The following POF1B variants were observed in gnomAD, a reference collection of about 807,000 sequenced individuals.
POF1B encodes POF1B actin binding protein.
In POF1B, 53 loss-of-function variants were observed where a neutral mutation model predicts 55.3. The ratio of observed to expected loss-of-function variants is 0.96; its 90% CI spans 0.77 to 1.20. POF1B has a LOEUF of 1.20. POF1B is among the 50% of genes most tolerant of loss of function. POF1B has a pLI of 0.00. For synonymous variants in POF1B, 188 were observed against 148.3 expected (o/e 1.27, Z -1.95); for missense variants, 478 against 420.5 (o/e 1.14, Z -1.20).
At chrX:85,375,919 A>G (rs892248183) in intron 2 of POF1B, among the ~76,000 whole-genome samples, 1 of 111,520 alleles carries the variant, frequency 9.0e-6, no homozygotes, top group Non-Finnish European at 1.9e-5. Flanking sequence ...CTCTCACAAA[A>G]GCATGTTTTA....
At chrX:85,296,944 T>A (rs1339615381) in intron 15 of POF1B, among the ~76,000 whole-genome samples, 3 of 111,036 alleles carry the variant, frequency 2.7e-5, no homozygotes, top group Admixed American at 1.9e-4. Flanking sequence ...ATTTTTTTTT[T>A]ATTTTTGTCT....
At chrX:85,356,789 T>G (rs1933510277) in intron 4 of POF1B, among the ~76,000 whole-genome samples, 2 of 111,247 alleles carry the variant, frequency 1.8e-5, no homozygotes, top group Non-Finnish European at 3.8e-5. Context: ...TTAATAGGTG[T>G]TTTCAAAGTG....
rs1931811641 is a variant in POF1B at position 85,277,673 on chromosome X, G to A, written c.*1748C>T. On this transcript the variant is annotated 3_prime_UTR_variant, in exon 17 of 17. Transcript: ENST00000262753. ...AGATCCCGCAAATAATTGAGAACAT[G>A]CAATGTTTGTCTGTTTCTGGCTTAT... 9.1e-6 allele frequency: 1 copy of A among 110,318 alleles called. No individual in the cohort carries two copies. Among genetic ancestry groups the A allele is most frequent in the Non-Finnish European group, 1.9e-5 (1 of 52,501 alleles). The allele number at this position is 110,318 out of a possible 1,213,427, so 9.1% of individuals were successfully genotyped here.
chrX:85,286,105 C>G (rs898492965), intron 15 of POF1B, among the ~76,000 whole-genome samples: 1 of 110,713 alleles, frequency 9.0e-6, no homozygotes, highest in African/African-American at 3.3e-5. Context: ...AAAACAAAAA[C>G]AATAATGTAT....
At chrX:85,292,600 A>G (rs918979911) in intron 15 of POF1B, among the ~76,000 whole-genome samples, 5 of 110,986 alleles carry the variant, frequency 4.5e-5, no homozygotes, top group Admixed American at 9.6e-5. Flanking sequence ...CAGGCTATTT[A>G]TTACTGCCTC....
chrX:85,296,970 T>A (rs892445845), intron 15 of POF1B, among the ~76,000 whole-genome samples: 1 of 112,225 alleles, frequency 8.9e-6, no homozygotes, highest in Admixed American at 9.4e-5. Context: ...GATTATAAGA[T>A]TCTGTCTTCA....
chrX:85,282,254 A>G lies in POF1B; in HGVS notation c.1713T>C (p.Gly571=). The part of the protein sequence containing the change: ...LYDDYEYIPP[G]SETQTIVIEK... ...CAATCACAATAGTCTGTGTTTCACT[A>G]CCTGGTGGTATATATTCGTAGTCAT... Residue 571 remains glycine (G), a synonymous_variant, in exon 16 of 17, where the codon GGT becomes GGC. Coordinates refer to ENST00000262753, the MANE Select transcript of POF1B (RefSeq NM_024921.4). 1 of 1,193,980 alleles carries G rather than the reference A, an allele frequency of 8.4e-7. No homozygotes were observed. Among genetic ancestry groups the G allele is most frequent in the Non-Finnish European group, 1.1e-6 (1 of 884,135 alleles).
chrX:85,300,338 A>G (rs1316167214), intron 15 of POF1B, among the ~76,000 whole-genome samples: 2 of 112,028 alleles, frequency 1.8e-5, no homozygotes, highest in East Asian at 5.6e-4. Flanking sequence ...CTACCAGAAC[A>G]TTGAAGAGGT....
intron 9 of POF1B, among the ~76,000 whole-genome samples, chrX:85,313,062 AAGG>A (rs1424989823): frequency 8.9e-6 from 1 of 111,905 alleles, no homozygotes; most frequent in African/African-American, 3.2e-5. Context: ...TTATCAGCTT[AAGG>A]AGATTTTGGG....
intron 7 of POF1B, among the ~76,000 whole-genome samples, chrX:85,328,846 AAAAC>A (rs200993172): frequency 0.024 from 2,675 of 109,452 alleles, 89 homozygotes; most frequent in African/African-American, 0.084. Context: ...AAAAAAAAAC[AAAAC>A]AAACAAACAA....
chrX:85,352,604 T>G (rs765415828), intron 4 of POF1B, among the ~76,000 whole-genome samples: 3 of 111,602 alleles, frequency 2.7e-5, no homozygotes, highest in Admixed American at 1.9e-4. Flanking sequence ...GACTAGGTGA[T>G]GAAGTATTAA....
At chrX:85,361,385 T>G in intron 3 of POF1B, among the ~76,000 whole-genome samples, 1 of 112,003 alleles carries the variant, frequency 8.9e-6, no homozygotes, top group Non-Finnish European at 1.9e-5. Context: ...TTGATTTTTG[T>G]ATATGGTGTA....
chrX:85,324,883 T>A (rs188083771), intron 7 of POF1B, among the ~76,000 whole-genome samples: 1 of 112,235 alleles, frequency 8.9e-6, no homozygotes, highest in Non-Finnish European at 1.9e-5. Context: ...TAAGGTATGT[T>A]TGGTGGTACC....
At chrX:85,312,105 T>A (rs1424503291) in intron 9 of POF1B, among the ~76,000 whole-genome samples, 1 of 112,155 alleles carries the variant, frequency 8.9e-6, no homozygotes. Context: ...ATTGCAAACA[T>A]TTTCTCCCAT....
intron 2 of POF1B, among the ~76,000 whole-genome samples, chrX:85,376,002 C>T (rs761001991): frequency 9.0e-6 from 1 of 111,545 alleles, no homozygotes; most frequent in African/African-American, 3.3e-5. Context: ...CATGGGACAC[C>T]TACAGACCAG....
intron 7 of POF1B, among the ~76,000 whole-genome samples, chrX:85,322,119 A>G (rs1932844303): frequency 1.8e-5 from 2 of 111,490 alleles, no homozygotes; most frequent in Non-Finnish European, 3.8e-5. Flanking sequence ...GAACCAAAAA[A>G]GAGCCCGCAT....
intron 15 of POF1B, among the ~76,000 whole-genome samples, chrX:85,291,449 G>C (rs2147894324): frequency 8.9e-6 from 1 of 111,912 alleles, no homozygotes; most frequent in Admixed American, 9.5e-5. Context: ...ATTTTGAAAA[G>C]TTTTTCTGTA....
intron 2 of POF1B, among the ~76,000 whole-genome samples, chrX:85,372,788 C>T (rs1371380859): frequency 2.0e-5 from 2 of 98,468 alleles, no homozygotes; most frequent in Non-Finnish European, 4.0e-5. Context: ...TATATATATA[C>T]TTTAAGTTCT....
intron 15 of POF1B, among the ~76,000 whole-genome samples, chrX:85,288,218 C>A (rs1932098410): frequency 9.0e-6 from 1 of 111,647 alleles, no homozygotes; most frequent in African/African-American, 3.3e-5. Flanking sequence ...TGAGCCATGA[C>A]CTGCTTCATC....
Sources: gnomAD v4.1 joint callset for allele counts (sites outside exome capture counted in the v4.1 genomes callset) on GRCh38, gnomAD v4.1.1 for gene constraint, MANE v1.5 for transcripts, NCBI Gene and HGNC (gene_info 2026-07-23, HGNC 2026-07-21) for gene names.